Variants in CFHR4 observed in about 807,000 individuals in gnomAD.
The protein encoded by CFHR4 is complement factor H-related protein 4.
In CFHR4, 64 loss-of-function variants were observed where a neutral mutation model predicts 69.3. The ratio of observed to expected loss-of-function variants is 0.92; its 90% CI spans 0.76 to 1.14. The LOEUF (loss-of-function observed/expected upper bound fraction) is 1.14. Among genes scored for constraint, CFHR4 ranks in the 50% most tolerant of loss-of-function variants. CFHR4 has a pLI of 0.00. For synonymous variants in CFHR4, 244 were observed against 237.0 expected, an observed-to-expected ratio of 1.03 and a Z score of -0.27; for missense variants, 636 against 684.9, an observed-to-expected ratio of 0.93 and a Z score of 0.80.
chr1:196,906,863 T>G lies in CFHR4; in HGVS notation c.442T>G (p.Phe148Val). The G allele has an allele frequency of 4.4e-6, 7 of 1,599,684 alleles. No homozygotes were observed. Among genetic ancestry groups the G allele is most frequent in the Non-Finnish European group, 6.0e-6 (7 of 1,174,566 alleles). The change falls in exon 4 of 10, where the codon TTT (phenylalanine) becomes GTT (valine). Residue 148 changes from phenylalanine to valine, a missense_variant and splice_region_variant. By Grantham distance (50) the Phe-to-Val change is conservative. Around this residue, in one of 3 missense-constraint regions of CFHR4, gnomAD observed 529 missense variants for 533.2 expected, o/e 0.99. Coordinates refer to ENST00000608469, the MANE Select transcript of CFHR4 (RefSeq NM_001201550.3). ...GWSTQPICIK[F>V]CDMPVFENSR... is the part of the protein sequence containing the mutation. ...TCCTCAATTTTATTTTGTTTCAGAA[T>G]TTTGTGATATGCCTGTTTTTGAGAA...
At chr1:196,904,962 T>C (rs915385273) in intron 2 of CFHR4, 146 bp from the exon 3 acceptor site, 20 of 766,172 alleles carry the variant, frequency 2.6e-5, no homozygotes, top group Admixed American at 3.6e-5. Flanking sequence ...AATTCACAGA[T>C]GTCTAGGAAA....
chr1:196,913,848 C>G (rs1173733012), intron 7 of CFHR4, among the ~76,000 whole-genome samples: 1 of 151,316 alleles, frequency 6.6e-6, no homozygotes, highest in Non-Finnish European at 1.5e-5. Flanking sequence ...GACACATTTA[C>G]AAAGTGATTA....
In CFHR4 at chr1:196,905,241, A is replaced by T. The variant is rs745342730; in HGVS notation, c.390A>T (p.Gly130=). Residue 130 remains glycine, a synonymous_variant, in exon 3 of 10, where the codon GGA becomes GGT. Coordinates refer to ENST00000608469, the MANE Select transcript of CFHR4 (RefSeq NM_001201550.3). ...CAACAGCAGAGGGAAATTCTTCAGGATCAATTACATGTTTGCAAAATGGAT... is the reference window on the plus strand; with the variant it reads ...CAACAGCAGAGGGAAATTCTTCAGGTTCAATTACATGTTTGCAAAATGGAT... ...GYATAEGNSS[G]SITCLQNGWS... is the part of the protein sequence containing the mutation. 5.6e-6 allele frequency: 9 copies of T among 1,611,492 alleles called. No homozygotes were observed. The highest frequency in any genetic ancestry group is 1.3e-5 in the African/African-American group (1 of 74,362).
At position 196,912,657 on chromosome 1, in the gene CFHR4, T is replaced by C. The variant is rs1571446907; in HGVS notation, c.998-83T>C. 7 of 1,381,412 alleles carry C rather than the reference T, an allele frequency of 5.1e-6. 1 individual carries two copies. The African/African-American group carries it at 1.0e-4, about 21-fold the overall frequency. The allele number at this position is 1,381,412 out of a possible 1,614,324, so 85.6% of individuals were successfully genotyped here. ...TAACAAATGTTTCATTGTTTTGCCA[T>C]ATTGCCATGTTTTTACTTGTTCCCT... On this transcript the variant is annotated intron_variant, in intron 6 of 9. Coordinates refer to ENST00000608469, the MANE Select transcript of CFHR4 (RefSeq NM_001201550.3).
chr1:196,912,616 G>A (rs1189584131), intron 6 of CFHR4, 124 bp from the exon 7 acceptor site: 2 of 1,124,742 alleles, frequency 1.8e-6, no homozygotes, highest in Non-Finnish European at 2.4e-6. Flanking sequence ...TTCCAGTTTT[G>A]CTGTTTTCAA....
chr1:196,893,863 G>A (rs561469954), intron 1 of CFHR4, among the ~76,000 whole-genome samples: 30 of 151,542 alleles, frequency 2.0e-4, no homozygotes, highest in Admixed American at 3.3e-4. Context: ...TTCACACTTT[G>A]TTTTCAATGT....
chr1:196,913,511 A>G (rs576222846), intron 7 of CFHR4, among the ~76,000 whole-genome samples: 1 of 151,516 alleles, frequency 6.6e-6, no homozygotes, highest in Non-Finnish European at 1.5e-5. Context: ...CTACCTGCCA[A>G]TGGATTCTTT....
At chr1:196,904,312 A>G (rs1396229709) in intron 2 of CFHR4, among the ~76,000 whole-genome samples, 1 of 151,688 alleles carries the variant, frequency 6.6e-6, no homozygotes, top group African/African-American at 2.4e-5. Context: ...CATGATTATG[A>G]CAAATGCTTT....
At chr1:196,905,014 T>C (rs1040821338) in intron 2 of CFHR4, 94 bp from the exon 3 acceptor site, 63 of 1,165,376 alleles carry the variant, frequency 5.4e-5, no homozygotes, top group East Asian at 3.2e-4. Flanking sequence ...AGATGTTTCA[T>C]TGTTTCACCA....
intron 2 of CFHR4, among the ~76,000 whole-genome samples, chr1:196,903,397 A>G (rs1657726885): frequency 6.6e-6 from 1 of 151,276 alleles, no homozygotes; most frequent in Non-Finnish European, 1.5e-5. Context: ...TCAGTCCTGT[A>G]ATCCCAGGAC....
At chr1:196,917,458 A>G (rs1231894683) in intron 9 of CFHR4, among the ~76,000 whole-genome samples, 4 of 151,788 alleles carry the variant, frequency 2.6e-5, no homozygotes, top group Non-Finnish European at 4.4e-5. Flanking sequence ...GAATTTTATA[A>G]AAGAAAACCC....
intron 9 of CFHR4, among the ~76,000 whole-genome samples, chr1:196,915,533 G>A (rs1159415950): frequency 2.0e-5 from 3 of 151,418 alleles, no homozygotes; most frequent in Non-Finnish European, 2.9e-5. Context: ...TACTCAGGAG[G>A]GTGAGGCAGG....
At chr1:196,911,152 A>G (rs1448771221) in intron 6 of CFHR4, among the ~76,000 whole-genome samples, 1 of 151,554 alleles carries the variant, frequency 6.6e-6, no homozygotes, top group Non-Finnish European at 1.5e-5. Context: ...TTAACTGGAA[A>G]ATTTTGTATA....
intron 1 of CFHR4, among the ~76,000 whole-genome samples, chr1:196,901,847 A>T (rs1357781543): frequency 6.6e-6 from 1 of 151,500 alleles, no homozygotes; most frequent in Non-Finnish European, 1.5e-5. Context: ...ATATTTAGAT[A>T]TTAAGAAATA....
chr1:196,891,730 A>G (rs1434387105), intron 1 of CFHR4, among the ~76,000 whole-genome samples: 1 of 151,586 alleles, frequency 6.6e-6, no homozygotes, highest in African/African-American at 2.4e-5. Context: ...TTTCAAAATT[A>G]TAAAGAAACA....
At position 196,918,462 on chromosome 1, in the gene CFHR4, T is replaced by C; in HGVS notation, c.*56T>C. 2.0e-6 allele frequency: 3 copies of C among 1,495,352 alleles called. No homozygotes were observed. Among genetic ancestry groups the C allele is most frequent in the Non-Finnish European group, 2.8e-6 (3 of 1,075,762 alleles). The allele number at this position is 1,495,352 out of a possible 1,614,324, so 92.6% of individuals were successfully genotyped here. A position where few individuals can be genotyped will look rare whatever the true frequency, so the allele number is the denominator to read the frequency against. On this transcript the variant is annotated 3_prime_UTR_variant, in exon 10 of 10. Coordinates refer to ENST00000608469, the MANE Select transcript of CFHR4 (RefSeq NM_001201550.3). ...ACTTCCACTTCTCACTCTTATGGTC[T>C]CAAAGCTTGCAAAGATAGCTTCTGA...
chr1:196,888,127 A>G lies in CFHR4; in HGVS notation c.-24A>G. On this transcript the variant is annotated 5_prime_UTR_variant, in exon 1 of 10. Coordinates refer to ENST00000608469, the MANE Select transcript of CFHR4 (RefSeq NM_001201550.3). ...ACAGTGCAACTGAAACTTTTGCATTACTATACTACTGAGAATATCTAACAT... is the reference window on the plus strand; with the variant it reads ...ACAGTGCAACTGAAACTTTTGCATTGCTATACTACTGAGAATATCTAACAT... 1 of 1,607,436 alleles carries G rather than the reference A, an allele frequency of 6.2e-7. No individual in the cohort carries two copies. The highest frequency in any genetic ancestry group is 1.7e-4 in the Middle Eastern group (1 of 6,038).
At position 196,888,259 on chromosome 1, in the gene CFHR4, G is replaced by A. The variant is rs376259343; in HGVS notation, c.58+51G>A. ...CAGCTTCCCTCTTAAATGTAACTTC[G>A]TGTAATATCTAACTTCATATGTCTA... is the stretch of plus-strand genomic sequence containing the variant. On this transcript the variant is annotated intron_variant, in intron 1 of 9. Transcript: ENST00000608469. 107 of 1,558,010 alleles carry A rather than the reference G, an allele frequency of 6.9e-5. No individual in the cohort carries two copies. In the South Asian group the frequency reaches 8.2e-4, roughly 12 times the overall value.
rs756131928 is a variant in CFHR4, at chr1:196,914,917, C to T, written c.1358-39C>T. 4.1e-5 allele frequency: 66 copies of T among 1,594,064 alleles called. 1 individual carries two copies. Among genetic ancestry groups the T allele is most frequent in the Non-Finnish European group, 5.0e-5 (58 of 1,168,182 alleles). ...TTTATTTAGAAAGTTTCCAATAAGA[C>T]TATTGATTTTTCCCCACATATAAAG... On this transcript the variant is annotated intron_variant, in intron 8 of 9. Coordinates refer to ENST00000608469, the MANE Select transcript of CFHR4 (RefSeq NM_001201550.3).
Sources: gnomAD v4.1 joint callset for allele counts (sites outside exome capture counted in the v4.1 genomes callset) on GRCh38, gnomAD v4.1.1 for gene constraint, gnomAD v4.1.1 regional missense constraint, MANE v1.5 for transcripts, NCBI Gene and HGNC (gene_info 2026-07-23, HGNC 2026-07-21) for gene names.